The following ATP8B1 variants were observed in gnomAD, a reference collection of about 807,000 sequenced individuals.
ATP8B1 encodes the protein ATPase phospholipid transporting 8B1.
A neutral mutation model predicts 149.9 loss-of-function variants in ATP8B1; 80 were observed. That is an observed-to-expected ratio of 0.53 (90% confidence interval 0.45 to 0.64). ATP8B1 has a LOEUF of 0.64. Among genes scored for constraint, ATP8B1 ranks in the 30% least tolerant of loss-of-function variants. The pLI is 0.00. For missense variants in ATP8B1, 1,247 were observed against 1,552.6 expected, an observed-to-expected ratio of 0.80 and a Z score of 3.31; for synonymous variants, 536 against 562.8, an observed-to-expected ratio of 0.95 and a Z score of 0.67.
chr18:57,785,798 A>C (rs1480339190), intron 1 of ATP8B1, among the ~76,000 whole-genome samples: 1 of 152,168 alleles, frequency 6.6e-6, no homozygotes, highest in Non-Finnish European at 1.5e-5. Context: ...GAGCCACCGT[A>C]CCTGGCCGTA....
intron 1 of ATP8B1, among the ~76,000 whole-genome samples, chr18:57,796,766 A>C (rs1230156854): frequency 6.6e-6 from 1 of 152,140 alleles, no homozygotes; most frequent in African/African-American, 2.4e-5. Flanking sequence ...AGCTCACTGC[A>C]ACCTCCGCCT....
chr18:57,732,719 C>T (rs1196370251), intron 1 of ATP8B1, among the ~76,000 whole-genome samples: 6 of 152,148 alleles, frequency 3.9e-5, no homozygotes, highest in South Asian at 2.1e-4. Flanking sequence ...CACACCACCA[C>T]GCCCGGCTAA....
intron 15 of ATP8B1, among the ~76,000 whole-genome samples, chr18:57,676,187 G>T (rs933240904): frequency 1.9e-4 from 29 of 152,060 alleles, no homozygotes; most frequent in Non-Finnish European, 3.1e-4. Context: ...TTTTGAGACA[G>T]TCTTACTCTG....
chr18:57,677,213 TC>T (rs1242151330), intron 15 of ATP8B1, among the ~76,000 whole-genome samples: 1 of 152,190 alleles, frequency 6.6e-6, no homozygotes, highest in African/African-American at 2.4e-5. Context: ...TTGATAATGT[TC>T]TTTTTTAAAA....
intron 1 of ATP8B1, among the ~76,000 whole-genome samples, chr18:57,764,423 T>C (rs1158025122): frequency 6.6e-6 from 1 of 151,272 alleles, no homozygotes; most frequent in Non-Finnish European, 1.5e-5. Flanking sequence ...CTTTCTCTCT[T>C]TCTTTCTTTC....
intron 16 of ATP8B1, among the ~76,000 whole-genome samples, chr18:57,672,925 T>C (rs1414185516): frequency 0.074 from 3,416 of 45,876 alleles, 294 homozygotes; most frequent in South Asian, 0.099. Flanking sequence ...TATATATATA[T>C]ATATATAACA....
intron 1 of ATP8B1, among the ~76,000 whole-genome samples, chr18:57,787,224 C>T (rs548474783): frequency 1.8e-4 from 28 of 152,314 alleles, no homozygotes; most frequent in Non-Finnish European, 3.4e-4. Context: ...GTTCTCACAA[C>T]GGTCACCAAT....
rs191798416 is a variant in ATP8B1, at chr18:57,752,014, T to C, written c.-25-20182A>G. ...TGAGCTCAGGAGTTCAAGACCAGCC[T>C]GGGCAACATGGCGAAACCCTATCTC... is the stretch of plus-strand genomic sequence containing the variant. On this transcript the variant is annotated intron_variant, in intron 1 of 27. Coordinates refer to ENST00000648908, the MANE Select transcript of ATP8B1 (RefSeq NM_001374385.1). Among the ~76,000 whole-genome samples the C allele has an allele frequency of 2.2e-3, 339 of 152,026 alleles. 3 individuals are homozygous for C. The highest frequency in any genetic ancestry group is 7.8e-3 in the African/African-American group (324 of 41,458).
chr18:57,663,753 C>G (rs964330505), intron 20 of ATP8B1, among the ~76,000 whole-genome samples: 3 of 145,316 alleles, frequency 2.1e-5, no homozygotes, highest in Admixed American at 7.1e-5. Context: ...ACTCAAAGTG[C>G]TTTGCCCATT....
At chr18:57,654,892 G>A (rs191123865) in intron 23 of ATP8B1, among the ~76,000 whole-genome samples, 161 of 151,276 alleles carry the variant, frequency 1.1e-3, no homozygotes, top group African/African-American at 3.6e-3. Context: ...TCACCATGTC[G>A]GCCAGACTGA....
intron 14 of ATP8B1, among the ~76,000 whole-genome samples, 175 bp from the exon 15 acceptor site, chr18:57,684,367 CTT>C (rs1014520345): frequency 1.4e-5 from 2 of 146,262 alleles, no homozygotes; most frequent in Non-Finnish European, 1.5e-5. Flanking sequence ...AGCTCCCCCC[CTT>C]TTTTTTTTTG....
At chr18:57,696,128 C>T (rs928205052) in intron 8 of ATP8B1, among the ~76,000 whole-genome samples, 9 of 152,202 alleles carry the variant, frequency 5.9e-5, no homozygotes, top group African/African-American at 2.2e-4. Flanking sequence ...ATATAGGATT[C>T]ACGAATACTC....
rs566728161 is a variant in ATP8B1, at chr18:57,759,155, CAAAAAAAAA to C, written c.-25-27332_-25-27324del. On this transcript the variant is annotated intron_variant, in intron 1 of 27. Transcript: ENST00000648908. ...TGGGCGACAGAACGAGATTCCATCT[CAAAAAAAAA>C]AAAAAAAAAAAAAAAAAAGAAATCC... Among the ~76,000 whole-genome samples the C allele has an allele frequency of 1.7e-4, 18 of 106,302 alleles. No individual in the cohort carries two copies. In the South Asian group the frequency reaches 2.4e-3, roughly 14 times the overall value. 69.7% of individuals were successfully genotyped at this position (106,302 alleles called of 152,430 possible).
intron 2 of ATP8B1, among the ~76,000 whole-genome samples, chr18:57,730,500 A>C (rs2079751719): frequency 1.3e-5 from 2 of 152,196 alleles, no homozygotes; most frequent in Admixed American, 6.5e-5. Flanking sequence ...CCAGAGAGAA[A>C]AGTCTCAGCT....
At chr18:57,662,386 T>G (rs1910516794) in intron 21 of ATP8B1, 97 bp downstream of exon 21, 2 of 1,487,994 alleles carry the variant, frequency 1.3e-6, no homozygotes, top group South Asian at 2.3e-5. Flanking sequence ...CTAAGAGACT[T>G]TTAGGTTGGC....
chr18:57,704,582 T>A lies in ATP8B1; in HGVS notation c.366A>T (p.Leu122Phe), dbSNP rs554824409. The stretch of plus-strand genomic sequence containing the variant: ...GTAAGATAAGAAGAGCCAGGAAATA[T>A]AAATTGGCTGCTCTCTTAAACTGCT... ...LFEQFKRAANLYFLALLILQA... is the reference protein window; with the variant it reads ...LFEQFKRAANFYFLALLILQA... The change falls in exon 4 of 28, where the codon TTA becomes TTT. Residue 122 changes from leucine to phenylalanine, a missense_variant. Leu to Phe is a conservative substitution (Grantham distance 22). This residue lies in a region of ATP8B1 where 853 missense variants were observed against 1,035.7 expected (regional missense o/e 0.82). Transcript: ENST00000648908. 1.2e-6 allele frequency: 2 copies of A among 1,605,050 alleles called. No individual in the cohort carries two copies. The highest frequency in any genetic ancestry group is 1.1e-5 in the South Asian group (1 of 90,876).
chr18:57,761,590 A>G (rs1259739760), intron 1 of ATP8B1, among the ~76,000 whole-genome samples: 2 of 152,122 alleles, frequency 1.3e-5, no homozygotes, highest in African/African-American at 4.8e-5. Context: ...ATTTCTCCAG[A>G]AGATGGCTGA....
At chr18:57,672,886 G>GTATATATA (rs1198919117) in intron 16 of ATP8B1, among the ~76,000 whole-genome samples, 10 of 14,054 alleles carry the variant, frequency 7.1e-4, no homozygotes, top group Non-Finnish European at 1.0e-3. Context: ...AAAAAAAAAA[G>GTATATATA]TATATATATA....
rs193148459 is a variant in ATP8B1, at chr18:57,710,679, G to A, written c.182-4092C>T. On this transcript the variant is annotated intron_variant, in intron 2 of 27. Transcript: ENST00000648908. ...GGAAATTCAATGCTGTTCTCGCTGA[G>A]GCTGGAGTCCAATGATGCGATCTCA... is the stretch of plus-strand genomic sequence containing the variant. Among the ~76,000 whole-genome samples the A allele has an allele frequency of 1.7e-3, 254 of 152,308 alleles. 2 individuals are homozygous for A. Among genetic ancestry groups the A allele is most frequent in the African/African-American group, 6.0e-3 (249 of 41,566 alleles).
Sources: allele counts gnomAD v4.1 joint callset (sites outside exome capture counted in the v4.1 genomes callset), GRCh38; gene constraint gnomAD v4.1.1; regional missense constraint gnomAD v4.1.1; transcripts MANE v1.5; gene names NCBI Gene and HGNC (gene_info 2026-07-23, HGNC 2026-07-21).